The following CLEC16A variants were observed in gnomAD, a reference collection of about 807,000 sequenced individuals.
The protein encoded by CLEC16A is protein CLEC16A.
In CLEC16A, 51 loss-of-function variants were observed where a neutral mutation model predicts 109.5. The ratio of observed to expected loss-of-function variants is 0.47; its 90% CI spans 0.37 to 0.59. The LOEUF (loss-of-function observed/expected upper bound fraction) is 0.59. Among genes scored for constraint, CLEC16A ranks in the 20% least tolerant of loss-of-function variants. The pLI is 0.00. For synonymous variants in CLEC16A, 673 were observed against 564.2 expected (o/e 1.19, Z -2.73); for missense variants, 1,339 against 1,394.0 (o/e 0.96, Z 0.63).
intron 15 of CLEC16A, 100 bp downstream of exon 15, chr16:11,042,463 T>A: frequency 1.1e-6 from 1 of 882,634 alleles, no homozygotes; most frequent in Non-Finnish European, 1.7e-6. Flanking sequence ...TGGCCCGTGG[T>A]GTCATCGGTC....
intron 1 of CLEC16A, among the ~76,000 whole-genome samples, chr16:10,947,970 T>C (rs1483867182): frequency 1.3e-5 from 2 of 152,198 alleles, no homozygotes; most frequent in Non-Finnish European, 2.9e-5. Flanking sequence ...CTTGGCTCAC[T>C]GCAAGCTCCG....
At chr16:11,027,561 T>A (rs2152819419) in intron 13 of CLEC16A, 3 of 1,553,094 alleles carry the variant, frequency 1.9e-6, no homozygotes, top group Non-Finnish European at 2.6e-6. Context: ...CCTGGGGAAG[T>A]TTGGCATCAT....
At chr16:11,148,151 T>C (rs1281980567) in intron 22 of CLEC16A, among the ~76,000 whole-genome samples, 1 of 152,200 alleles carries the variant, frequency 6.6e-6, no homozygotes, top group Non-Finnish European at 1.5e-5. Flanking sequence ...CTGTGAACAT[T>C]AGAAGTGCGG....
At chr16:10,986,731 ATGTGTG>A (rs59931468) in intron 10 of CLEC16A, among the ~76,000 whole-genome samples, 13 of 150,120 alleles carry the variant, frequency 8.7e-5, no homozygotes, top group South Asian at 4.2e-4. Flanking sequence ...TTAAGGCTCA[ATGTGTG>A]TGTGTGTGTG....
chr16:11,117,108 T>C (rs116393216), intron 19 of CLEC16A, among the ~76,000 whole-genome samples: 509 of 152,316 alleles, frequency 3.3e-3, no homozygotes, highest in African/African-American at 0.012. Context: ...TTCTTACTTA[T>C]AAGTGGGAGC....
At chr16:11,132,715 A>G (rs1210824704) in intron 22 of CLEC16A, among the ~76,000 whole-genome samples, 2 of 152,190 alleles carry the variant, frequency 1.3e-5, no homozygotes, top group Non-Finnish European at 2.9e-5. Flanking sequence ...ATCCTGCACT[A>G]GAATGGAAGG....
chr16:11,134,937 C>A (rs2053470963), intron 22 of CLEC16A, among the ~76,000 whole-genome samples: 1 of 152,226 alleles, frequency 6.6e-6, no homozygotes, highest in Admixed American at 6.5e-5. Context: ...GCCCCAAGAC[C>A]CACTTCCAGT....
intron 1 of CLEC16A, among the ~76,000 whole-genome samples, chr16:10,948,114 C>G (rs12930888): frequency 1.3e-5 from 2 of 151,978 alleles, no homozygotes; most frequent in East Asian, 1.9e-4. Flanking sequence ...AGGATGGTCT[C>G]GATCTCCTGA....
intron 1 of CLEC16A, among the ~76,000 whole-genome samples, chr16:10,957,168 A>G (rs2042028840): frequency 6.6e-6 from 1 of 152,176 alleles, no homozygotes; most frequent in South Asian, 2.1e-4. Context: ...GCTGCAAACC[A>G]CCCAGATCAT....
Position 11,107,922 on chromosome 16 carries a change from C to T in CLEC16A, c.2117-12693C>T, listed in dbSNP as rs1045251706. Among the ~76,000 whole-genome samples the T allele has an allele frequency of 2.6e-5, 4 of 152,240 alleles. No individual in the cohort carries two copies. In the East Asian group the frequency reaches 5.8e-4, roughly 22 times the overall value. On this transcript the variant is annotated intron_variant, in intron 19 of 23. Coordinates refer to ENST00000409790, the MANE Select transcript of CLEC16A (RefSeq NM_015226.3). ...TCGGACCACTTAGGCTTCCTCTCCC[C>T]TCCACCCCGCACTGAGCCGTGACTC...
chr16:11,020,149 G>A (rs2286975), intron 11 of CLEC16A, 44 bp from the exon 12 acceptor site: 422,689 of 1,560,736 alleles, frequency 0.27, 58,857 homozygotes, highest in Middle Eastern at 0.3. Context: ...ATCTAGGGCT[G>A]AAAAGCTGTC....
At chr16:10,984,705 A>T (rs1451298938) in intron 10 of CLEC16A, among the ~76,000 whole-genome samples, 3 of 152,210 alleles carry the variant, frequency 2.0e-5, no homozygotes, top group South Asian at 4.1e-4. Flanking sequence ...GGGGCCCTAG[A>T]TATTTCTCTG....
intron 19 of CLEC16A, among the ~76,000 whole-genome samples, chr16:11,115,925 C>T (rs1288367138): frequency 6.6e-6 from 1 of 151,136 alleles, no homozygotes; most frequent in African/African-American, 2.4e-5. Flanking sequence ...CTATGTTGCC[C>T]AGGATGAACT....
At chr16:11,019,258 C>T (rs537641485) in intron 11 of CLEC16A, among the ~76,000 whole-genome samples, 2 of 152,332 alleles carry the variant, frequency 1.3e-5, no homozygotes, top group South Asian at 4.1e-4. Context: ...TAAAGCCCAA[C>T]CCTCATCCAT....
At chr16:11,079,379 G>C (rs978784291) in intron 19 of CLEC16A, among the ~76,000 whole-genome samples, 5 of 152,170 alleles carry the variant, frequency 3.3e-5, no homozygotes, top group African/African-American at 1.2e-4. Context: ...GCCTCCCCCA[G>C]TCCTCACAAC....
intron 10 of CLEC16A, among the ~76,000 whole-genome samples, chr16:10,986,968 C>T (rs2043706208): frequency 6.6e-6 from 1 of 151,882 alleles, no homozygotes. Context: ...ATTCTCGTGC[C>T]TCAGCCTCCG....
intron 3 of CLEC16A, among the ~76,000 whole-genome samples, chr16:10,967,623 T>C (rs561602246): frequency 6.6e-6 from 1 of 152,330 alleles, no homozygotes; most frequent in East Asian, 1.9e-4. Flanking sequence ...TTGCGGCCCA[T>C]GCTGTCCATT....
Position 10,962,681 on chromosome 16 carries a change from T to C in CLEC16A, c.343+93T>C, listed in dbSNP as rs2042306999. ...TTTCTGTGTCTGCGCTTACTATTCGTCGGCTCAGGCTATCCTAACAAAATA... is the reference window on the plus strand; with the variant it reads ...TTTCTGTGTCTGCGCTTACTATTCGCCGGCTCAGGCTATCCTAACAAAATA... On this transcript the variant is annotated intron_variant, in intron 3 of 23. Coordinates refer to ENST00000409790, the MANE Select transcript of CLEC16A (RefSeq NM_015226.3). The C allele has an allele frequency of 3.6e-6, 5 of 1,370,076 alleles. No homozygotes were observed. In the East Asian group the frequency reaches 9.2e-5, roughly 25 times the overall value. The allele number at this position is 1,370,076 out of a possible 1,614,324, so 84.9% of individuals were successfully genotyped here.
chr16:11,076,399 A>G (rs1287839999), intron 19 of CLEC16A, among the ~76,000 whole-genome samples: 1 of 152,216 alleles, frequency 6.6e-6, no homozygotes, highest in East Asian at 1.9e-4. Flanking sequence ...GCCGCCACAG[A>G]AAACAGGAAT....
Sources: allele counts gnomAD v4.1 joint callset (sites outside exome capture counted in the v4.1 genomes callset), GRCh38; gene constraint gnomAD v4.1.1; transcripts MANE v1.5; gene names NCBI Gene and HGNC (gene_info 2026-07-23, HGNC 2026-07-21).